ANKHD1: variants seen among roughly 807,000 people sequenced by gnomAD.
ANKHD1 encodes ankyrin repeat and KH domain containing 1, also known as ankyrin repeat and KH domain-containing protein 1.
ANKHD1 carries 31 observed loss-of-function variants against 230.5 expected under a neutral mutation model. The ratio of observed to expected loss-of-function variants is 0.13; its 90% CI spans 0.10 to 0.18. ANKHD1 has a LOEUF of 0.18. Among genes scored for constraint, ANKHD1 ranks in the 10% least tolerant of loss-of-function variants. ANKHD1 has a pLI of 1.00. For synonymous variants in ANKHD1, 1,074 were observed against 1,117.6 expected (o/e 0.96, Z 0.78); for missense variants, 2,256 against 3,071.3 (o/e 0.73, Z 6.27).
Position 140,496,595 on chromosome 5 carries a change from C to T in ANKHD1, c.2321C>T (p.Pro774Leu). ...CTGCCATCTTTTCACCCATACCAGCCTTTGGAGTGCATAGTAGAGGAGACT... is the reference window on the plus strand; with the variant it reads ...CTGCCATCTTTTCACCCATACCAGCTTTTGGAGTGCATAGTAGAGGAGACT... ...DLLPSFHPYQPLECIVEETEG... is the reference protein window; with the variant it reads ...DLLPSFHPYQLLECIVEETEG... The change falls in exon 15 of 34, where the codon CCT becomes CTT. Residue 774 changes from proline (P) to leucine (L), a missense_variant. Coordinates refer to ENST00000360839, the MANE Select transcript of ANKHD1 (RefSeq NM_017747.3). 6.2e-7 allele frequency: 1 copy of T among 1,613,026 alleles called. No individual in the cohort carries two copies. The highest frequency in any genetic ancestry group is 8.5e-7 in the Non-Finnish European group (1 of 1,179,894).
chr5:140,506,860 G>A lies in ANKHD1; in HGVS notation c.3434G>A (p.Gly1145Asp). 2 of 1,614,022 alleles carry A rather than the reference G, an allele frequency of 1.2e-6. No individual in the cohort carries two copies. The highest frequency in any genetic ancestry group is 1.7e-6 in the Non-Finnish European group (2 of 1,179,972). ...GTGGTAGACTTGCTGCTGGCTCGAG[G>A]TGCAAATAAAGAACATAGGAACGTA... is the stretch of plus-strand genomic sequence containing the variant. ...QEVVDLLLAR[G>D]ANKEHRNVSD... The change falls in exon 19 of 34, where the codon GGT (glycine) becomes GAT (aspartate). Residue 1145 changes from glycine (G) to aspartate (D), a missense_variant. Around this residue, in one of 13 missense-constraint regions of ANKHD1, gnomAD observed 63 missense variants for 125.5 expected, o/e 0.50. Coordinates refer to ENST00000360839, the MANE Select transcript of ANKHD1 (RefSeq NM_017747.3). The surrounding 1 kb of genome is among the most constrained non-coding windows in gnomAD (Gnocchi z 4.7).
intron 9 of ANKHD1, among the ~76,000 whole-genome samples, chr5:140,463,286 G>C (rs2126977192): frequency 6.6e-6 from 1 of 152,298 alleles, no homozygotes; most frequent in East Asian, 1.9e-4. Flanking sequence ...TCTTTGGTCA[G>C]TAAGGTTAGC....
chr5:140,418,489 C>T lies in ANKHD1; in HGVS notation c.306+16216C>T, dbSNP rs1771589988. Among the ~76,000 whole-genome samples the T allele has an allele frequency of 2.6e-5, 4 of 152,082 alleles. No individual in the cohort carries two copies. In the South Asian group the frequency reaches 8.3e-4, roughly 32 times the overall value. ...ATTCACAAAGTTGTATGACCATCAA[C>T]TAACTATTCTAAAACACTTTTATCA... On this transcript the variant is annotated intron_variant, in intron 1 of 33. Transcript: ENST00000360839.
rs1213383651 is a variant in ANKHD1 at position 140,517,947 on chromosome 5, G to C, written c.4317+4468G>C. 1.3e-5 allele frequency among the ~76,000 whole-genome samples: 2 copies of C among 151,174 alleles called. 1 individual carries two copies. The highest frequency in any genetic ancestry group is 4.9e-5 in the African/African-American group (2 of 41,100). The stretch of plus-strand genomic sequence containing the variant: ...GCAAGAAATAACTAAAATCAGAGCA[G>C]AACTGAAGGAAATAGAGACACAAAA... On this transcript the variant is annotated intron_variant, in intron 24 of 33. Coordinates refer to ENST00000360839, the MANE Select transcript of ANKHD1 (RefSeq NM_017747.3).
intron 1 of ANKHD1, among the ~76,000 whole-genome samples, chr5:140,417,286 A>G (rs977032249): frequency 6.6e-6 from 1 of 152,070 alleles, no homozygotes; most frequent in Non-Finnish European, 1.5e-5. Flanking sequence ...TCAATATGGT[A>G]TTAAACTTAG....
chr5:140,457,711 G>T (rs887127134), intron 7 of ANKHD1, among the ~76,000 whole-genome samples: 1 of 152,048 alleles, frequency 6.6e-6, no homozygotes, highest in Non-Finnish European at 1.5e-5. Flanking sequence ...TTGTGGGGTC[G>T]GGGGAGCGGG....
At chr5:140,466,908 TG>T (rs1456197906) in intron 10 of ANKHD1, among the ~76,000 whole-genome samples, 8 of 151,082 alleles carry the variant, frequency 5.3e-5, no homozygotes, top group Admixed American at 2.6e-4. Context: ...CACTCCAGCC[TG>T]GGCAACAAGA....
chr5:140,471,182 G>T (rs1330088797), intron 10 of ANKHD1, among the ~76,000 whole-genome samples: 1 of 152,068 alleles, frequency 6.6e-6, no homozygotes, highest in Admixed American at 6.5e-5. Context: ...GATTAGTGAT[G>T]CTCAATCTGT....
At position 140,512,873 on chromosome 5, in the gene ANKHD1, T is replaced by C. The variant is rs147892106; in HGVS notation, c.4150T>C (p.Phe1384Leu). The C allele has an allele frequency of 2.5e-6, 4 of 1,603,344 alleles. No homozygotes were observed. Among genetic ancestry groups the C allele is most frequent in the Non-Finnish European group, 3.4e-6 (4 of 1,176,472 alleles). ...VQYLVKEVNQ[F>L]PSDIECMRYI... ...ATATTTGGTAAAGGAAGTAAATCAG[T>C]TCCCTTCTGATATAGAATGCATGAG... Residue 1384 changes from phenylalanine to leucine, a missense_variant, in exon 23 of 34, where the codon TTC becomes CTC. Coordinates refer to ENST00000360839, the MANE Select transcript of ANKHD1 (RefSeq NM_017747.3).
chr5:140,408,649 T>C (rs1258661831), intron 1 of ANKHD1, among the ~76,000 whole-genome samples: 1 of 152,236 alleles, frequency 6.6e-6, no homozygotes, highest in Non-Finnish European at 1.5e-5. Context: ...CCTTTAAGAT[T>C]GTTTATGATC....
chr5:140,456,843 C>T (rs1775233598), intron 7 of ANKHD1, among the ~76,000 whole-genome samples: 1 of 152,158 alleles, frequency 6.6e-6, no homozygotes. Context: ...CAACAAAAGC[C>T]AAAATTGACA....
intron 1 of ANKHD1, among the ~76,000 whole-genome samples, chr5:140,427,432 A>C (rs1335797231): frequency 7.5e-4 from 59 of 79,156 alleles, no homozygotes; most frequent in South Asian, 1.4e-3. Flanking sequence ...CTGACCCCCC[A>C]ACCTCTCTCC....
In ANKHD1 at chr5:140,511,964, G is replaced by A. The variant is rs151120169; in HGVS notation, c.4105-864G>A. On this transcript the variant is annotated intron_variant, in intron 22 of 33. Coordinates refer to ENST00000360839, the MANE Select transcript of ANKHD1 (RefSeq NM_017747.3). ...TAAAATAGATATGCTGGCCGGGTGCGGTGGCTCACGCCCATAATCCCAGCA... is the reference window on the plus strand; with the variant it reads ...TAAAATAGATATGCTGGCCGGGTGCAGTGGCTCACGCCCATAATCCCAGCA... 4.4e-3 allele frequency among the ~76,000 whole-genome samples: 669 copies of A among 152,196 alleles called. 4 individuals carry two copies. The highest frequency in any genetic ancestry group is 0.015 in the African/African-American group (628 of 41,532).
At chr5:140,473,352 C>T (rs1391137333) in intron 10 of ANKHD1, among the ~76,000 whole-genome samples, 4 of 152,022 alleles carry the variant, frequency 2.6e-5, no homozygotes, top group Non-Finnish European at 5.9e-5. Context: ...CTAAACCCCT[C>T]TTAATCATGA....
In ANKHD1 at chr5:140,539,480, G is replaced by T; in HGVS notation, c.*62G>T. On this transcript the variant is annotated 3_prime_UTR_variant, in exon 34 of 34. Coordinates refer to ENST00000360839, the MANE Select transcript of ANKHD1 (RefSeq NM_017747.3). ...ACCTATGACCTTGGAAGAACCATGGGGATTTTTTTTTAATGTGCCTAAGAA... is the reference window on the plus strand; with the variant it reads ...ACCTATGACCTTGGAAGAACCATGGTGATTTTTTTTTAATGTGCCTAAGAA... 1.3e-6 allele frequency: 2 copies of T among 1,527,450 alleles called. No homozygotes were observed. The highest frequency in any genetic ancestry group is 1.4e-5 in the African/African-American group (1 of 71,332). The allele number at this position is 1,527,450 out of a possible 1,614,324, so 94.6% of individuals were successfully genotyped here. A position where few individuals can be genotyped will look rare whatever the true frequency, so the allele number is the denominator to read the frequency against.
At chr5:140,418,663 T>C (rs1771603607) in intron 1 of ANKHD1, among the ~76,000 whole-genome samples, 1 of 152,214 alleles carries the variant, frequency 6.6e-6, no homozygotes, top group Non-Finnish European at 1.5e-5. Flanking sequence ...ATGTGGTTAT[T>C]TGTGCCTGAT....
chr5:140,425,574 G>A (rs530080151), intron 1 of ANKHD1, among the ~76,000 whole-genome samples: 1 of 150,212 alleles, frequency 6.7e-6, no homozygotes. Flanking sequence ...TCTGTTTTTT[G>A]AGAAGGGGGG....
At chr5:140,491,160 A>ATATATATATTTT in intron 14 of ANKHD1, among the ~76,000 whole-genome samples, 1 of 45,660 alleles carries the variant, frequency 2.2e-5, no homozygotes, top group Non-Finnish European at 3.6e-5. Flanking sequence ...ATATATATAT[A>ATATATATATTTT]TTTTTTTTTT....
intron 7 of ANKHD1, among the ~76,000 whole-genome samples, chr5:140,449,672 AAAAAAGAGT>A (rs1774558943): frequency 6.6e-6 from 1 of 152,000 alleles, no homozygotes; most frequent in Admixed American, 6.5e-5. Flanking sequence ...AAAAAAAAAA[AAAAAAGAGT>A]TATTAATTGG....
Sources: gnomAD v4.1 joint callset for allele counts (sites outside exome capture counted in the v4.1 genomes callset) on GRCh38, gnomAD v4.1.1 for gene constraint, gnomAD v4.1.1 regional missense constraint, Gnocchi (gnomAD v3.1) non-coding constraint, MANE v1.5 for transcripts, NCBI Gene and HGNC (gene_info 2026-07-23, HGNC 2026-07-21) for gene names.